Variants in HIVEP1 observed in about 807,000 individuals in gnomAD.
HIVEP1 encodes HIVEP zinc finger 1.
Under a neutral mutation model 180.0 loss-of-function variants are expected in HIVEP1, and 36 were observed. That is an observed-to-expected ratio of 0.20 (90% CI 0.15 to 0.26). The LOEUF is 0.26. HIVEP1 is among the 10% of genes least tolerant of loss of function. The probability of loss-of-function intolerance (pLI) is 1.00; values close to 1 mark genes in which losing one functional copy is unlikely to be tolerated. For synonymous variants in HIVEP1, 1,239 were observed against 1,239.0 expected, an observed-to-expected ratio of 1.00 and a Z score of 0.00; for missense variants, 3,143 against 3,268.7, an observed-to-expected ratio of 0.96 and a Z score of 0.94.
chr6:12,009,114 T>TGGCGGTGGCGGCGGTGGC (rs1322782510), upstream of HIVEP1, among the ~76,000 whole-genome samples: 1 of 143,820 alleles, frequency 7.0e-6, no homozygotes, highest in Non-Finnish European at 1.5e-5. Context: ...GATCTCCGCG[T>TGGCGGTGGCGGCGGTGGC]GGCGGTGGCG....
chr6:12,065,053 A>C (rs543924778), intron 2 of HIVEP1, among the ~76,000 whole-genome samples: 1 of 152,348 alleles, frequency 6.6e-6, no homozygotes, highest in African/African-American at 2.4e-5. Flanking sequence ...TTTAAGGCCC[A>C]AAAAAGACCT....
At chr6:12,100,647 T>C (rs1289297324) in intron 3 of HIVEP1, among the ~76,000 whole-genome samples, 1 of 152,202 alleles carries the variant, frequency 6.6e-6, no homozygotes, top group Non-Finnish European at 1.5e-5. Context: ...AATGTAACTA[T>C]TATTCTGTAA....
At chr6:12,052,940 T>C (rs1770631343) in intron 2 of HIVEP1, among the ~76,000 whole-genome samples, 1 of 152,228 alleles carries the variant, frequency 6.6e-6, no homozygotes, top group African/African-American at 2.4e-5. Context: ...TAGCAAATGC[T>C]CAGAAAGTAA....
chr6:12,120,528 A>C lies in HIVEP1; in HGVS notation c.733A>C (p.Asn245His), dbSNP rs1775506727. Residue 245 changes from asparagine to histidine, a missense_variant, in exon 4 of 9, where the codon AAT becomes CAT. By Grantham distance (68) the Asn-to-His change is moderately conservative. Transcript: ENST00000379388. The stretch of plus-strand genomic sequence containing the variant: ...AAAAAACAGTTCAATGGATGCCCCA[A>C]ATCAGACTTCACAGGAATTGGTTGC... ...KLKNSSMDAP[N>H]QTSQELVAES... The C allele has an allele frequency of 8.1e-6, 13 of 1,614,216 alleles. No homozygotes were observed. Among genetic ancestry groups the C allele is most frequent in the Non-Finnish European group, 1.1e-5 (13 of 1,180,036 alleles).
the HIVEP1 span, among the ~76,000 whole-genome samples, chr6:12,186,806 C>T: frequency 1.3e-5 from 2 of 151,390 alleles, no homozygotes; most frequent in Non-Finnish European, 2.9e-5. Context: ...CCTGAGATGA[C>T]CCAGATGATG....
chr6:12,012,647 C>T (rs1767435442), intron 1 of HIVEP1, 81 bp downstream of exon 1: 1 of 146,618 alleles, frequency 6.8e-6, no homozygotes, highest in Non-Finnish European at 1.5e-5. Context: ...GGAGCACATC[C>T]CTTCGGCGGG....
At position 12,164,640 on chromosome 6, in the gene HIVEP1, T is replaced by A. The variant is rs1417588559; in HGVS notation, c.*179T>A. On this transcript the variant is annotated 3_prime_UTR_variant, in exon 9 of 9. Coordinates refer to ENST00000379388, the MANE Select transcript of HIVEP1 (RefSeq NM_002114.4). Reference sequence around the variant, plus strand: ...GCTCCAGCCATTTTTGTACATGTTGTATAGACAATTGTGCCTTTTAGGAGC... The same window carrying A: ...GCTCCAGCCATTTTTGTACATGTTGAATAGACAATTGTGCCTTTTAGGAGC... 1 of 566,472 alleles carries A rather than the reference T, an allele frequency of 1.8e-6. No homozygotes were observed. The highest frequency in any genetic ancestry group is 1.9e-5 in the African/African-American group (1 of 52,928). 35.1% of individuals were successfully genotyped at this position (566,472 alleles called of 1,614,324 possible).
At chr6:12,126,461 T>A (rs1014683227) in intron 4 of HIVEP1, among the ~76,000 whole-genome samples, 8 of 152,252 alleles carry the variant, frequency 5.3e-5, no homozygotes, top group Non-Finnish European at 1.2e-4. Context: ...TGGTCAAGAT[T>A]TATAAAGTAA....
chr6:12,141,495 C>T (rs554468751), intron 7 of HIVEP1, among the ~76,000 whole-genome samples: 16 of 151,694 alleles, frequency 1.1e-4, no homozygotes, highest in South Asian at 6.2e-4. Flanking sequence ...AACATAGTGA[C>T]GGGATCAAAT....
At chr6:12,201,027 G>A in the HIVEP1 span, among the ~76,000 whole-genome samples, 1 of 152,322 alleles carries the variant, frequency 6.6e-6, no homozygotes, top group Admixed American at 6.5e-5. Context: ...ATTCTTTTGA[G>A]ACCTGGTAGT....
intron 2 of HIVEP1, among the ~76,000 whole-genome samples, chr6:12,020,890 C>CTTTTTTTTTTT (rs70981658): frequency 1.8e-4 from 19 of 105,766 alleles, no homozygotes; most frequent in South Asian, 3.1e-4. Context: ...TTCTTTCTTT[C>CTTTTTTTTTTT]TTTTTTTTTT....
rs1007012166 is a variant in HIVEP1, at chr6:12,045,760, A to G, written c.40+30092A>G. ...CTCAAACCTCATTTATTAAATGACAATTAAAATTGCCTTATAATTTTAACA... is the reference window on the plus strand; with the variant it reads ...CTCAAACCTCATTTATTAAATGACAGTTAAAATTGCCTTATAATTTTAACA... On this transcript the variant is annotated intron_variant, in intron 2 of 8. Coordinates refer to ENST00000379388, the MANE Select transcript of HIVEP1 (RefSeq NM_002114.4). Among the ~76,000 whole-genome samples, 4 of 152,340 alleles carry G rather than the reference A, an allele frequency of 2.6e-5. No homozygotes were observed. The South Asian group carries it at 8.3e-4, about 32-fold the overall frequency.
intron 2 of HIVEP1, among the ~76,000 whole-genome samples, chr6:12,019,023 G>T (rs1191593697): frequency 6.6e-6 from 1 of 152,212 alleles, no homozygotes; most frequent in Non-Finnish European, 1.5e-5. Flanking sequence ...TGACTTGTCT[G>T]TGAGCGTTTA....
chr6:12,185,274 G>C, the HIVEP1 span, among the ~76,000 whole-genome samples: 4 of 152,234 alleles, frequency 2.6e-5, no homozygotes, highest in Admixed American at 2.6e-4. Flanking sequence ...GTCTTGCTGG[G>C]TGGAGGGAAC....
intron 3 of HIVEP1, among the ~76,000 whole-genome samples, chr6:12,117,402 A>G (rs1483514075): frequency 6.6e-6 from 1 of 152,220 alleles, no homozygotes; most frequent in Non-Finnish European, 1.5e-5. Context: ...GTGTTTTTCC[A>G]ATTCTTAACT....
the HIVEP1 span, among the ~76,000 whole-genome samples, chr6:12,207,903 C>CAA: frequency 0.3 from 26,563 of 89,914 alleles, 2,823 homozygotes; most frequent in Admixed American, 0.35. Flanking sequence ...GACTCTGTCT[C>CAA]AAAAAAAAAA....
rs1345297540 is a variant in HIVEP1, at chr6:12,163,415, C to T, written c.7111C>T (p.Pro2371Ser). Residue 2371 changes from proline to serine, a missense_variant, in exon 9 of 9, where the codon CCA (proline) becomes TCA (serine). Physicochemically the swap from Pro to Ser is moderately conservative, Grantham distance 74. This residue lies in a region of HIVEP1 where 595 missense variants were observed against 602.2 expected (regional missense o/e 0.99). Coordinates refer to ENST00000379388, the MANE Select transcript of HIVEP1 (RefSeq NM_002114.4). ...GCAGCAAATAACTCTACAGCCGACTCCAGGCTTGCCTTCTCCCCACACTCA... is the reference window on the plus strand; with the variant it reads ...GCAGCAAATAACTCTACAGCCGACTTCAGGCTTGCCTTCTCCCCACACTCA... ...QKQQITLQPT[P>S]GLPSPHTHLF... 1 of 1,614,180 alleles carries T rather than the reference C, an allele frequency of 6.2e-7. No homozygotes were observed. The highest frequency in any genetic ancestry group is 8.5e-7 in the Non-Finnish European group (1 of 1,180,020).
upstream of HIVEP1, chr6:12,007,932 A>G (rs1235872342): frequency 2.0e-5 from 3 of 151,794 alleles, no homozygotes; most frequent in South Asian, 2.1e-4. Flanking sequence ...TTAATTTGTA[A>G]TCTTCCAGAG....
intron 7 of HIVEP1, among the ~76,000 whole-genome samples, chr6:12,137,717 T>C (rs573657754): frequency 8.6e-4 from 131 of 152,306 alleles, no homozygotes; most frequent in African/African-American, 3.1e-3. Flanking sequence ...CATTCTGTGT[T>C]GCTACACCAG....
Sources: gnomAD v4.1 joint callset for allele counts (sites outside exome capture counted in the v4.1 genomes callset) on GRCh38, gnomAD v4.1.1 for gene constraint, gnomAD v4.1.1 regional missense constraint, MANE v1.5 for transcripts, NCBI Gene and HGNC (gene_info 2026-07-23, HGNC 2026-07-21) for gene names.